Variants in LRP1B observed in about 807,000 individuals in gnomAD.
LRP1B encodes LDL receptor related protein 1B.
A neutral mutation model predicts 556.6 loss-of-function variants in LRP1B; 217 were observed. The ratio of observed to expected loss-of-function variants is 0.39; its 90% CI spans 0.35 to 0.44. The LOEUF (loss-of-function observed/expected upper bound fraction) is 0.44. Ranked by LOEUF, LRP1B falls within the 20% of genes least tolerant of loss-of-function variation. LRP1B has a pLI of 1.00. For missense variants in LRP1B, 5,053 were observed against 5,620.8 expected, an observed-to-expected ratio of 0.90 and a Z score of 3.23; for synonymous variants, 2,047 against 1,865.8, an observed-to-expected ratio of 1.10 and a Z score of -2.50.
Position 140,328,693 on chromosome 2 carries a change from C to T in LRP1B, c.12224-2815G>A, listed in dbSNP as rs1680627990. ...CTTGATTTAAGAGGTGATAAAGGAG[C>T]CAAAAAAGCTGGATACATACCATTA... is the stretch of plus-strand genomic sequence containing the variant. On this transcript the variant is annotated intron_variant, in intron 79 of 90. Transcript: ENST00000389484. Among the ~76,000 whole-genome samples, 3 of 151,718 alleles carry T rather than the reference C, an allele frequency of 2.0e-5. No homozygotes were observed. In the South Asian group the frequency reaches 6.2e-4, roughly 31 times the overall value.
intron 81 of LRP1B, 24 bp from the exon 82 acceptor site, chr2:140,322,112 G>T (rs1680170668): frequency 1.2e-6 from 2 of 1,605,326 alleles, no homozygotes; most frequent in African/African-American, 1.3e-5. Flanking sequence ...AGAAAACAAA[G>T]AAGTGTGTAA....
At chr2:140,780,747 A>C (rs1689669453) in intron 32 of LRP1B, among the ~76,000 whole-genome samples, 1 of 152,160 alleles carries the variant, frequency 6.6e-6, no homozygotes, top group Admixed American at 6.5e-5. Context: ...GAACATTTGA[A>C]CACATCTCTA....
intron 60 of LRP1B, among the ~76,000 whole-genome samples, chr2:140,471,021 T>G (rs1687746769): frequency 6.6e-6 from 1 of 152,174 alleles, no homozygotes; most frequent in African/African-American, 2.4e-5. Flanking sequence ...GGGTTTCAGT[T>G]TGGGAGTTGT....
rs780700356 is a variant in LRP1B at position 140,715,953 on chromosome 2, T to A, written c.6023+20A>T. On this transcript the variant is annotated intron_variant, in intron 37 of 90. Transcript: ENST00000389484. ...AAACTCACATAAAACTTGGAAGATA[T>A]ACGTAAATCTTAAAATTACCCTTTC... 1.3e-6 allele frequency: 2 copies of A among 1,547,250 alleles called. No homozygotes were observed. The highest frequency in any genetic ancestry group is 1.7e-6 in the Non-Finnish European group (2 of 1,143,382).
intron 1 of LRP1B, among the ~76,000 whole-genome samples, chr2:142,126,407 A>T (rs1278654448): frequency 6.6e-6 from 1 of 151,882 alleles, no homozygotes; most frequent in Non-Finnish European, 1.5e-5. Context: ...ATTTTAAAGC[A>T]GATATACAGA....
intron 1 of LRP1B, among the ~76,000 whole-genome samples, chr2:141,817,064 A>G (rs1205572616): frequency 6.6e-6 from 1 of 152,182 alleles, no homozygotes; most frequent in African/African-American, 2.4e-5. Flanking sequence ...GTATTTCAAG[A>G]TGATTACTTA....
At chr2:142,028,708 A>T (rs1703587666) in intron 1 of LRP1B, among the ~76,000 whole-genome samples, 1 of 152,104 alleles carries the variant, frequency 6.6e-6, no homozygotes, top group African/African-American at 2.4e-5. Context: ...TTCAGTGGAA[A>T]GCATAATTTT....
chr2:140,265,164 A>C (rs564057874), intron 86 of LRP1B, among the ~76,000 whole-genome samples: 1 of 152,258 alleles, frequency 6.6e-6, no homozygotes, highest in African/African-American at 2.4e-5. Flanking sequence ...CTTAGCAGGT[A>C]GGAAGGCTTG....
chr2:141,891,810 G>C (rs920108), intron 1 of LRP1B, among the ~76,000 whole-genome samples: 1 of 151,544 alleles, frequency 6.6e-6, no homozygotes, highest in Non-Finnish European at 1.5e-5. Flanking sequence ...AAAGGTCTCA[G>C]TGGATCAAAC....
chr2:141,016,624 T>TA, intron 12 of LRP1B, among the ~76,000 whole-genome samples: 1 of 152,238 alleles, frequency 6.6e-6, no homozygotes, highest in Non-Finnish European at 1.5e-5. Flanking sequence ...CATCTGCCTT[T>TA]AAAAACAAAT....
chr2:141,128,675 C>T (rs7573519), intron 7 of LRP1B, among the ~76,000 whole-genome samples: 10,549 of 151,778 alleles, frequency 0.07, 993 homozygotes, highest in African/African-American at 0.22. Context: ...GGCTGGAGTG[C>T]GATGGCGTGA....
intron 1 of LRP1B, among the ~76,000 whole-genome samples, chr2:141,870,735 T>C (rs1485338661): frequency 6.6e-6 from 1 of 151,918 alleles, no homozygotes; most frequent in Non-Finnish European, 1.5e-5. Flanking sequence ...TATGTCACTC[T>C]TAGAAAACTT....
chr2:141,175,897 C>G (rs777232730), intron 7 of LRP1B, among the ~76,000 whole-genome samples: 1 of 152,084 alleles, frequency 6.6e-6, no homozygotes, highest in Non-Finnish European at 1.5e-5. Flanking sequence ...GAGCCCACCC[C>G]TTGTATCAGC....
At chr2:140,535,079 G>A (rs1321321140) in intron 46 of LRP1B, among the ~76,000 whole-genome samples, 1 of 152,120 alleles carries the variant, frequency 6.6e-6, no homozygotes, top group Non-Finnish European at 1.5e-5. Context: ...ACTAAGAATA[G>A]TTTTTACATT....
rs2105019709 is a variant in LRP1B, at chr2:140,541,767, A to G, written c.7387+12T>C. 2 of 1,596,904 alleles carry G rather than the reference A, an allele frequency of 1.3e-6. No homozygotes were observed. The highest frequency in any genetic ancestry group is 1.1e-5 in the South Asian group (1 of 89,156). On this transcript the variant is annotated intron_variant, in intron 44 of 90. Transcript: ENST00000389484. ...CAATGAAAAAACACATTTGCTTTCTATTATAACTTACAGCTATTGGTGTCA... is the reference window on the plus strand; with the variant it reads ...CAATGAAAAAACACATTTGCTTTCTGTTATAACTTACAGCTATTGGTGTCA...
At chr2:141,985,590 T>C (rs1047304708) in intron 1 of LRP1B, among the ~76,000 whole-genome samples, 2 of 152,020 alleles carry the variant, frequency 1.3e-5, no homozygotes, top group Non-Finnish European at 2.9e-5. Flanking sequence ...AGCACAAATT[T>C]TCCCTTTAGC....
chr2:140,851,865 C>A (rs1239832520), intron 27 of LRP1B, 82 bp from the exon 28 acceptor site: 1 of 1,327,796 alleles, frequency 7.5e-7, no homozygotes, highest in Non-Finnish European at 1.0e-6. Context: ...GGTTATTCAC[C>A]TAATGATTCA....
chr2:140,658,798 G>A (rs1684980837), intron 41 of LRP1B, among the ~76,000 whole-genome samples: 1 of 152,126 alleles, frequency 6.6e-6, no homozygotes. Flanking sequence ...TGAGATAATA[G>A]GTTGTTTATG....
At chr2:141,921,288 C>T (rs534431283) in intron 1 of LRP1B, among the ~76,000 whole-genome samples, 2 of 152,086 alleles carry the variant, frequency 1.3e-5, no homozygotes, top group Non-Finnish European at 2.9e-5. Context: ...TAGTGAGAAT[C>T]TATCCTTAAA....
Sources: allele counts gnomAD v4.1 joint callset (sites outside exome capture counted in the v4.1 genomes callset), GRCh38; gene constraint gnomAD v4.1.1; transcripts MANE v1.5; gene names NCBI Gene and HGNC (gene_info 2026-07-23, HGNC 2026-07-21).